The following CPEB1 variants were observed in gnomAD, a reference collection of about 807,000 sequenced individuals.
CPEB1 encodes cytoplasmic polyadenylation element-binding protein 1.
CPEB1 carries 7 observed loss-of-function variants against 65.8 expected under a neutral mutation model. The ratio of observed to expected loss-of-function variants is 0.11; its 90% CI spans 0.06 to 0.20. The LOEUF (loss-of-function observed/expected upper bound fraction) is 0.20. Ranked by LOEUF, CPEB1 falls within the 10% of genes least tolerant of loss-of-function variation. The probability of loss-of-function intolerance (pLI) is 1.00; values close to 1 mark genes in which losing one functional copy is unlikely to be tolerated. For missense variants in CPEB1, 551 were observed against 712.2 expected (o/e 0.77, Z 2.58); for synonymous variants, 262 against 260.0 (o/e 1.01, Z -0.08).
intron 1 of CPEB1, among the ~76,000 whole-genome samples, chr15:82,635,537 A>T (rs558149353): frequency 3.8e-4 from 58 of 152,328 alleles, no homozygotes; most frequent in Non-Finnish European, 7.5e-4. Context: ...GGTCCATATG[A>T]AATTGTCAGT....
At chr15:82,562,969 T>G (rs1596024672) in intron 4 of CPEB1, among the ~76,000 whole-genome samples, 1 of 152,152 alleles carries the variant, frequency 6.6e-6, no homozygotes, top group Non-Finnish European at 1.5e-5. Flanking sequence ...AAGAGTTCCT[T>G]CTCTCTGAAA....
chr15:82,569,532 T>C (rs2039693400), intron 4 of CPEB1, among the ~76,000 whole-genome samples: 1 of 152,148 alleles, frequency 6.6e-6, no homozygotes, highest in Admixed American at 6.5e-5. Context: ...AAAAACCATT[T>C]CTATTTCAGA....
intron 1 of CPEB1, among the ~76,000 whole-genome samples, chr15:82,642,387 A>C (rs746879135): frequency 3.3e-5 from 5 of 152,114 alleles, no homozygotes; most frequent in Non-Finnish European, 4.4e-5. Flanking sequence ...CTCAAAGAAA[A>C]AATTTTTTAA....
chr15:82,618,094 TA>T (rs961633937), intron 3 of CPEB1, among the ~76,000 whole-genome samples: 87 of 145,198 alleles, frequency 6.0e-4, no homozygotes, highest in East Asian at 3.0e-3. Context: ...GTAAGCTTAT[TA>T]AAAAAAAAAA....
intron 3 of CPEB1, among the ~76,000 whole-genome samples, chr15:82,612,862 AAACAAAAC>A (rs898604438): frequency 3.3e-4 from 49 of 150,420 alleles, no homozygotes; most frequent in Admixed American, 8.6e-4. Context: ...ACAAACAAAC[AAACAAAAC>A]AAACAAACAA....
chr15:82,561,428 C>A (rs1037877914), intron 4 of CPEB1, among the ~76,000 whole-genome samples: 1 of 152,088 alleles, frequency 6.6e-6, no homozygotes, highest in African/African-American at 2.4e-5. Flanking sequence ...TCAAGTGGCA[C>A]AGCAGAGAGC....
chr15:82,568,861 AT>A (rs1437477566), intron 4 of CPEB1, among the ~76,000 whole-genome samples: 1 of 152,164 alleles, frequency 6.6e-6, no homozygotes, highest in Non-Finnish European at 1.5e-5. Context: ...CGTTTGCCAG[AT>A]GAATTTAGCC....
intron 5 of CPEB1, among the ~76,000 whole-genome samples, chr15:82,557,107 C>G (rs1273107830): frequency 1.3e-5 from 2 of 152,306 alleles, no homozygotes; most frequent in East Asian, 3.9e-4. Context: ...ATTATCTGTA[C>G]TAATCTATCT....
chr15:82,583,499 G>A (rs2041490177), intron 3 of CPEB1: 1 of 152,204 alleles, frequency 6.6e-6, no homozygotes, highest in South Asian at 2.1e-4. Flanking sequence ...AAAACAGGAA[G>A]GCAGGGTATT....
intron 3 of CPEB1, among the ~76,000 whole-genome samples, chr15:82,619,124 G>A (rs781731230): frequency 1.8e-4 from 27 of 152,216 alleles, no homozygotes; most frequent in Non-Finnish European, 1.9e-4. Context: ...GAAGAGAAGA[G>A]AGTATCCAGA....
chr15:82,548,461 G>C (rs893710065), intron 10 of CPEB1, among the ~76,000 whole-genome samples: 3 of 152,230 alleles, frequency 2.0e-5, no homozygotes, highest in South Asian at 2.1e-4. Context: ...ATATTTGACA[G>C]TGGAGATCAT....
At chr15:82,639,384 C>A (rs1424229568) in intron 1 of CPEB1, among the ~76,000 whole-genome samples, 2 of 152,188 alleles carry the variant, frequency 1.3e-5, no homozygotes, top group Admixed American at 6.5e-5. Context: ...CCCACACTAT[C>A]CCCCAAAGAG....
intron 3 of CPEB1, among the ~76,000 whole-genome samples, chr15:82,608,023 G>A (rs2043787295): frequency 6.6e-6 from 1 of 151,060 alleles, no homozygotes; most frequent in South Asian, 2.1e-4. Flanking sequence ...TTACAACTCT[G>A]CAGTATTCTT....
chr15:82,594,715 C>T (rs2042543995), intron 3 of CPEB1, among the ~76,000 whole-genome samples: 1 of 152,158 alleles, frequency 6.6e-6, no homozygotes, highest in African/African-American at 2.4e-5. Flanking sequence ...GACATGTCTT[C>T]CTCACTAAGC....
At chr15:82,568,764 C>T (rs8029925) in intron 4 of CPEB1, among the ~76,000 whole-genome samples, 3,345 of 152,240 alleles carry the variant, frequency 0.022, 125 homozygotes, top group African/African-American at 0.076. Context: ...CATTTGTTTT[C>T]CTTTGATAGC....
intron 7 of CPEB1, 92 bp from the exon 8 acceptor site, chr15:82,553,648 G>GTTTGTGT (rs2036667034): frequency 4.3e-5 from 42 of 973,988 alleles, no homozygotes; most frequent in Non-Finnish European, 6.0e-5. Flanking sequence ...CTCCTCCCTG[G>GTTTGTGT]CTCATCCCCA....
chr15:82,547,922 C>T (rs781257811), intron 10 of CPEB1, among the ~76,000 whole-genome samples: 119 of 152,320 alleles, frequency 7.8e-4, no homozygotes, highest in Admixed American at 2.6e-3. Flanking sequence ...ATCTGCCCCA[C>T]CTCGGCCTCC....
intron 8 of CPEB1, 97 bp from the exon 9 acceptor site, chr15:82,552,713 T>C (rs888318624): frequency 2.1e-5 from 28 of 1,338,180 alleles, no homozygotes; most frequent in Admixed American, 1.1e-4. Context: ...AGAAAGAAGG[T>C]CTTGTGTATA....
At chr15:82,584,896 TAA>T (rs2041637223) in intron 3 of CPEB1, among the ~76,000 whole-genome samples, 1 of 128,940 alleles carries the variant, frequency 7.8e-6, no homozygotes. Flanking sequence ...TTTTTTTTCC[TAA>T]TTTGCTTTTT....
Sources: allele counts gnomAD v4.1 joint callset (sites outside exome capture counted in the v4.1 genomes callset), GRCh38; gene constraint gnomAD v4.1.1; transcripts MANE v1.5; gene names NCBI Gene and HGNC (gene_info 2026-07-23, HGNC 2026-07-21).